The following NAB1 variants were observed in gnomAD, a reference collection of about 807,000 sequenced individuals.
NAB1 encodes the protein NGFI-A binding protein 1, also known as NGFI-A-binding protein 1.
NAB1 carries 25 observed loss-of-function variants against 49.9 expected under a neutral mutation model. The ratio of observed to expected loss-of-function variants is 0.50; its 90% confidence interval spans 0.37 to 0.70. The LOEUF is 0.70. Ranked by LOEUF, NAB1 falls within the 30% of genes least tolerant of loss-of-function variation. The probability of loss-of-function intolerance (pLI) is 0.00; values close to 1 mark genes in which losing one functional copy is unlikely to be tolerated. For missense variants in NAB1, 489 were observed against 575.9 expected, an observed-to-expected ratio of 0.85 and a Z score of 1.54; for synonymous variants, 198 against 215.6, an observed-to-expected ratio of 0.92 and a Z score of 0.71.
rs1695226245 is a variant in NAB1, at chr2:190,679,476, T to G, written c.1006-4262T>G. 6.6e-6 allele frequency among the ~76,000 whole-genome samples: 1 copy of G among 152,226 alleles called. No individual in the cohort carries two copies. The highest frequency in any genetic ancestry group is 2.1e-4 in the South Asian group (1 of 4,828). ...GGAATAGTGTCCATTTTCTAGCAAC[T>G]TTCACATGTAGAGTTTGAGGTTCCC... On this transcript the variant is annotated intron_variant, in intron 6 of 9. Coordinates refer to ENST00000337386, the MANE Select transcript of NAB1 (RefSeq NM_005966.4). This position sits in a 1 kb window ranked among gnomAD's most constrained non-coding sequence, Gnocchi z 5.3.
Position 190,678,915 on chromosome 2 carries a change from G to A in NAB1, c.1006-4823G>A, listed in dbSNP as rs1170264536. Among the ~76,000 whole-genome samples the A allele has an allele frequency of 5.3e-5, 8 of 152,246 alleles. No homozygotes were observed. On this transcript the variant is annotated intron_variant, in intron 6 of 9. Coordinates refer to ENST00000337386, the MANE Select transcript of NAB1 (RefSeq NM_005966.4). This position sits in a 1 kb window ranked among gnomAD's most constrained non-coding sequence, Gnocchi z 4.9. ...TAACAAGTCATCTAGAGACAGCTAAGCAGTGGCTTTAAAGCAGCTTGCTAG... is the reference window on the plus strand; with the variant it reads ...TAACAAGTCATCTAGAGACAGCTAAACAGTGGCTTTAAAGCAGCTTGCTAG...
intron 4 of NAB1, among the ~76,000 whole-genome samples, chr2:190,665,503 G>GCTGT: frequency 6.6e-6 from 1 of 152,188 alleles, no homozygotes; most frequent in South Asian, 2.1e-4. Context: ...GTCTGATTTT[G>GCTGT]CTGTCTGTTG....
intron 2 of NAB1, 147 bp from the exon 3 acceptor site, chr2:190,655,830 C>T (rs1016415449): frequency 6.6e-5 from 10 of 152,216 alleles, no homozygotes; most frequent in African/African-American, 2.4e-4. Flanking sequence ...TGATGCTACC[C>T]TGTAAGGAGC....
In NAB1 at chr2:190,685,499, G is replaced by A. The variant is rs1436074552; in HGVS notation, c.1119G>A (p.Lys373=). The A allele has an allele frequency of 1.9e-6, 3 of 1,612,170 alleles. No individual in the cohort carries two copies. Among genetic ancestry groups the A allele is most frequent in the Non-Finnish European group, 2.5e-6 (3 of 1,179,508 alleles). ...SSQQPEKVMA[K]QMEFLCNQAG... ...AGCAGCCTGAAAAGGTGATGGCAAA[G>A]CAGATGGAGTTCCTTTGCAACCAAG... The change falls in exon 8 of 10, where the codon AAG becomes AAA. Residue 373 remains lysine (K), a synonymous_variant. Transcript: ENST00000337386. This position sits in a 1 kb window ranked among gnomAD's most constrained non-coding sequence, Gnocchi z 4.5.
intron 9 of NAB1, among the ~76,000 whole-genome samples, chr2:190,688,305 T>C (rs1695722190): frequency 1.3e-5 from 2 of 152,200 alleles, no homozygotes; most frequent in Admixed American, 6.5e-5. Flanking sequence ...ATGTATTTAC[T>C]AGAAAAAAAG....
intron 3 of NAB1, among the ~76,000 whole-genome samples, chr2:190,658,591 A>G (rs1405482786): frequency 6.6e-6 from 1 of 151,906 alleles, no homozygotes; most frequent in Non-Finnish European, 1.5e-5. Flanking sequence ...CTAAATTAAC[A>G]CCTTCTATTT....
rs1274930522 is a variant in NAB1 at position 190,677,896 on chromosome 2, G to A, written c.1005+4744G>A. On this transcript the variant is annotated intron_variant, in intron 6 of 9. Transcript: ENST00000337386. The surrounding 1 kb of genome is among the most constrained non-coding windows in gnomAD (Gnocchi z 5.6). ...TACCTGTGAAAAAAACACTATTGGG[G>A]TTATACCTTTCCTCCTAGTACCGTG... 6.6e-6 allele frequency among the ~76,000 whole-genome samples: 1 copy of A among 152,156 alleles called. No individual in the cohort carries two copies. The highest frequency in any genetic ancestry group is 1.5e-5 in the Non-Finnish European group (1 of 68,040).
chr2:190,680,000 G>T lies in NAB1; in HGVS notation c.1006-3738G>T, dbSNP rs1306829161. Among the ~76,000 whole-genome samples the T allele has an allele frequency of 6.6e-6, 1 of 152,134 alleles. No individual in the cohort carries two copies. The highest frequency in any genetic ancestry group is 6.5e-5 in the Admixed American group (1 of 15,276). ...AGTGTTCTGGCCCCTCCCAGACCTC[G>T]TGATCTTGAGTTCCTTATTCTAGAG... On this transcript the variant is annotated intron_variant, in intron 6 of 9. Coordinates refer to ENST00000337386, the MANE Select transcript of NAB1 (RefSeq NM_005966.4). This position sits in a 1 kb window ranked among gnomAD's most constrained non-coding sequence, Gnocchi z 5.3.
At chr2:190,664,940 C>T (rs1259252040) in intron 4 of NAB1, among the ~76,000 whole-genome samples, 1 of 151,934 alleles carries the variant, frequency 6.6e-6, no homozygotes, top group African/African-American at 2.4e-5. Flanking sequence ...TGTATCTCCC[C>T]TCTAGCCCTG....
chr2:190,669,980 C>T lies in NAB1; in HGVS notation c.820-346C>T, dbSNP rs1294206988. On this transcript the variant is annotated intron_variant, in intron 4 of 9. Coordinates refer to ENST00000337386, the MANE Select transcript of NAB1 (RefSeq NM_005966.4). The surrounding 1 kb of genome is among the most constrained non-coding windows in gnomAD (Gnocchi z 4.3). ...GTTAGAGAAATGGTGTCAGCAAATCCTGTATTCTAATATTTTGGGTTTTTT... is the reference window on the plus strand; with the variant it reads ...GTTAGAGAAATGGTGTCAGCAAATCTTGTATTCTAATATTTTGGGTTTTTT... Among the ~76,000 whole-genome samples, 1 of 152,054 alleles carries T rather than the reference C, an allele frequency of 6.6e-6. No homozygotes were observed. Among genetic ancestry groups the T allele is most frequent in the Non-Finnish European group, 1.5e-5 (1 of 68,012 alleles).
At position 190,684,439 on chromosome 2, in the gene NAB1, G is replaced by T. The variant is rs796259446; in HGVS notation, c.1095+612G>T. Among the ~76,000 whole-genome samples, 1 of 125,932 alleles carries T rather than the reference G, an allele frequency of 7.9e-6. No individual in the cohort carries two copies. The highest frequency in any genetic ancestry group is 1.9e-4 in the East Asian group (1 of 5,166). The allele number at this position is 125,932 out of a possible 152,430, so 82.6% of individuals were successfully genotyped here. On this transcript the variant is annotated intron_variant, in intron 7 of 9. Transcript: ENST00000337386. The surrounding 1 kb of genome is among the most constrained non-coding windows in gnomAD (Gnocchi z 4.6). ...ATCAAATTTAGTACTGCTAAGTTTT[G>T]TTTTTTTCATGTTAGGATGAAAAAT...
At chr2:190,672,873 G>T (rs1387497241) in intron 5 of NAB1, among the ~76,000 whole-genome samples, 1 of 152,030 alleles carries the variant, frequency 6.6e-6, no homozygotes, top group Non-Finnish European at 1.5e-5. Context: ...TTCTTAGGTA[G>T]TGGCCTTTTA....
intron 8 of NAB1, among the ~76,000 whole-genome samples, 190 bp from the exon 9 acceptor site, chr2:190,687,011 G>A (rs1326264772): frequency 1.3e-5 from 2 of 151,976 alleles, no homozygotes; most frequent in Admixed American, 1.3e-4. Flanking sequence ...CTTGGGACTG[G>A]CATGAAATGA....
At position 190,670,747 on chromosome 2, in the gene NAB1, G is replaced by A. The variant is rs1455858213; in HGVS notation, c.953+288G>A. Among the ~76,000 whole-genome samples the A allele has an allele frequency of 7.9e-5, 12 of 152,152 alleles. No homozygotes were observed. Among genetic ancestry groups the A allele is most frequent in the African/African-American group, 7.2e-5 (3 of 41,436 alleles). ...CACACACTTTGGTTTTGAGTGTGAC[G>A]AGGGGATTTAGTCAGACAGCATTTA... On this transcript the variant is annotated intron_variant, in intron 5 of 9. Transcript: ENST00000337386. The surrounding 1 kb of genome is among the most constrained non-coding windows in gnomAD (Gnocchi z 5.3).
rs1203723901 is a variant in NAB1 at position 190,651,321 on chromosome 2, A to C, written c.-197+1339A>C. On this transcript the variant is annotated intron_variant, in intron 2 of 9. Coordinates refer to ENST00000337386, the MANE Select transcript of NAB1 (RefSeq NM_005966.4). This position sits in a 1 kb window ranked among gnomAD's most constrained non-coding sequence, Gnocchi z 4.3. Reference sequence around the variant, plus strand: ...GGCAAATAACATCCACTGTCGTATGAGAAAGTTAATAGATGTTTATTCTCC... The same window carrying C: ...GGCAAATAACATCCACTGTCGTATGCGAAAGTTAATAGATGTTTATTCTCC... 3.3e-5 allele frequency among the ~76,000 whole-genome samples: 5 copies of C among 152,210 alleles called. No individual in the cohort carries two copies. Among genetic ancestry groups the C allele is most frequent in the Non-Finnish European group, 5.9e-5 (4 of 68,038 alleles).
At chr2:190,671,871 G>A (rs945324096) in intron 5 of NAB1, among the ~76,000 whole-genome samples, 15 of 148,148 alleles carry the variant, frequency 1.0e-4, no homozygotes, top group Admixed American at 2.8e-4. Flanking sequence ...CACCTCCTGG[G>A]TTCAAGCGAT....
intron 9 of NAB1, 44 bp downstream of exon 9, chr2:190,687,361 G>T: frequency 1.7e-6 from 1 of 599,308 alleles, no homozygotes; most frequent in Non-Finnish European, 2.6e-6. Context: ...TTGAATAAAA[G>T]CATCTTTAAA....
At chr2:190,687,576 A>G (rs1695682493) in intron 9 of NAB1, among the ~76,000 whole-genome samples, 1 of 152,108 alleles carries the variant, frequency 6.6e-6, no homozygotes, top group South Asian at 2.1e-4. Context: ...GTGTAATGCA[A>G]ATAGTCCAAA....
At chr2:190,688,648 T>C (rs1695742763) in intron 9 of NAB1, among the ~76,000 whole-genome samples, 1 of 152,218 alleles carries the variant, frequency 6.6e-6, no homozygotes. Context: ...ATGTGTCTCA[T>C]CATGGGGCAT....
Sources: gnomAD v4.1 joint callset for allele counts (sites outside exome capture counted in the v4.1 genomes callset) on GRCh38, gnomAD v4.1.1 for gene constraint, Gnocchi (gnomAD v3.1) non-coding constraint, MANE v1.5 for transcripts, NCBI Gene and HGNC (gene_info 2026-07-23, HGNC 2026-07-21) for gene names.